Variants in NREP observed in about 807,000 individuals in gnomAD.
The protein encoded by NREP is neuronal regeneration related protein, also known as neuronal regeneration-related protein.
NREP carries 5 observed loss-of-function variants against 8.6 expected under a neutral mutation model. The observed-to-expected ratio is 0.58, with a 90% CI of 0.30 to 1.22. The LOEUF is 1.22. Among genes scored for constraint, NREP ranks in the 50% most tolerant of loss-of-function variants. The pLI, the probability that NREP is intolerant of heterozygous loss-of-function variation, is 0.07. For synonymous variants in NREP, 27 were observed against 28.0 expected (o/e 0.96, Z 0.11); for missense variants, 86 against 82.5 (o/e 1.04, Z -0.17).
chr5:111,792,162 A>G (rs1751764216), intron 2 of NREP, among the ~76,000 whole-genome samples: 1 of 152,248 alleles, frequency 6.6e-6, no homozygotes, highest in African/African-American at 2.4e-5. Context: ...AAATTCACAT[A>G]TAATTGATAG....
intron 2 of NREP, among the ~76,000 whole-genome samples, chr5:111,764,351 G>C (rs1751032430): frequency 6.6e-6 from 1 of 152,158 alleles, no homozygotes; most frequent in African/African-American, 2.4e-5. Flanking sequence ...ACCTGAGACT[G>C]GGCAATTTAC....
chr5:111,731,404 C>G (rs11956914), intron 3 of NREP, among the ~76,000 whole-genome samples: 4,386 of 139,896 alleles, frequency 0.031, 226 homozygotes, highest in African/African-American at 0.11. Context: ...TTGATAGATA[C>G]TCACAGGAGT....
chr5:111,844,433 A>G (rs1581160202), intron 2 of NREP, among the ~76,000 whole-genome samples: 1 of 151,494 alleles, frequency 6.6e-6, no homozygotes, highest in East Asian at 1.9e-4. Flanking sequence ...ATGAATATTT[A>G]TATTTATGCA....
At chr5:111,735,542 A>C (rs766209864) in intron 2 of NREP, 35 bp from the exon 3 acceptor site, 1 of 1,485,026 alleles carries the variant, frequency 6.7e-7, no homozygotes. Context: ...ATTCAGATTA[A>C]AAACAGGATC....
chr5:111,811,414 T>C (rs1052572153), intron 2 of NREP, among the ~76,000 whole-genome samples: 29 of 152,348 alleles, frequency 1.9e-4, no homozygotes, highest in Admixed American at 7.2e-4. Context: ...GAAACCAATA[T>C]TGAGTTGCTC....
At chr5:111,976,749 G>A in exon 1 of NREP, 1 of 1,550,500 alleles carries the variant, frequency 6.4e-7, no homozygotes, top group Non-Finnish European at 8.7e-7. Flanking sequence ...TTCCAGTCCT[G>A]TTACTGCTTG....
chr5:111,790,483 G>A (rs187782614), intron 2 of NREP, among the ~76,000 whole-genome samples: 1 of 147,214 alleles, frequency 6.8e-6, no homozygotes, highest in East Asian at 2.1e-4. Context: ...TTACCTACTG[G>A]GCACAGTGGC....
chr5:111,829,379 A>T (rs1436685745), intron 2 of NREP, among the ~76,000 whole-genome samples: 3 of 152,116 alleles, frequency 2.0e-5, no homozygotes, highest in Non-Finnish European at 4.4e-5. Context: ...ACCAGTTAAG[A>T]CTCTAATTCA....
chr5:111,930,441 G>T (rs1462864813), intron 2 of NREP, among the ~76,000 whole-genome samples: 1 of 152,118 alleles, frequency 6.6e-6, no homozygotes, highest in Non-Finnish European at 1.5e-5. Context: ...TGTTAAAAAT[G>T]TATTTTATGA....
chr5:111,742,205 C>A (rs1043995401), intron 2 of NREP, among the ~76,000 whole-genome samples: 2 of 152,138 alleles, frequency 1.3e-5, no homozygotes, highest in Non-Finnish European at 2.9e-5. Context: ...TCCAACATTA[C>A]ATGTCAGGAA....
intron 2 of NREP, among the ~76,000 whole-genome samples, chr5:111,864,992 G>A (rs1581173407): frequency 6.6e-6 from 1 of 151,934 alleles, no homozygotes; most frequent in Non-Finnish European, 1.5e-5. Flanking sequence ...AACTTTTTTT[G>A]TGTGAAATTC....
intron 2 of NREP, among the ~76,000 whole-genome samples, chr5:111,932,702 T>C (rs759414190): frequency 1.3e-5 from 2 of 152,204 alleles, no homozygotes; most frequent in South Asian, 2.1e-4. Context: ...ATTTCTTAAA[T>C]ATTGATATCT....
At chr5:111,888,345 G>GC (rs1754312919) in intron 2 of NREP, among the ~76,000 whole-genome samples, 1 of 151,728 alleles carries the variant, frequency 6.6e-6, no homozygotes, top group African/African-American at 2.4e-5. Flanking sequence ...TGGGTGGCGG[G>GC]GGGGGTCTCA....
chr5:111,817,744 A>G (rs1396283464), intron 2 of NREP, among the ~76,000 whole-genome samples: 1 of 148,992 alleles, frequency 6.7e-6, no homozygotes, highest in Non-Finnish European at 1.5e-5. Context: ...GGCGGAGCTT[A>G]CAGTGAGCTG....
intron 2 of NREP, among the ~76,000 whole-genome samples, chr5:111,957,450 T>C (rs1348309136): frequency 6.6e-6 from 1 of 151,954 alleles, no homozygotes; most frequent in African/African-American, 2.4e-5. Flanking sequence ...CATATAGTTT[T>C]ATAAAACTTA....
chr5:111,751,615 C>A (rs1458776920), intron 2 of NREP, among the ~76,000 whole-genome samples: 1 of 152,092 alleles, frequency 6.6e-6, no homozygotes, highest in Non-Finnish European at 1.5e-5. Flanking sequence ...ACCAAGATGA[C>A]ATAATCCAAG....
At chr5:111,890,856 G>A (rs1754377960) in intron 2 of NREP, among the ~76,000 whole-genome samples, 1 of 152,204 alleles carries the variant, frequency 6.6e-6, no homozygotes, top group African/African-American at 2.4e-5. Flanking sequence ...GTGATGAGAG[G>A]GGCTGCCACA....
chr5:111,882,668 C>T (rs1754117199), intron 2 of NREP, among the ~76,000 whole-genome samples: 1 of 152,148 alleles, frequency 6.6e-6, no homozygotes, highest in African/African-American at 2.4e-5. Flanking sequence ...AGAGTGGGGG[C>T]CAATATTCAA....
At chr5:111,853,547 T>C (rs1753358089) in intron 2 of NREP, among the ~76,000 whole-genome samples, 1 of 152,160 alleles carries the variant, frequency 6.6e-6, no homozygotes, top group Non-Finnish European at 1.5e-5. Context: ...TCTAAAACTG[T>C]TCTGAAAAGT....
Sources: allele counts gnomAD v4.1 joint callset (sites outside exome capture counted in the v4.1 genomes callset), GRCh38; gene constraint gnomAD v4.1.1; transcripts MANE v1.5; gene names NCBI Gene and HGNC (gene_info 2026-07-23, HGNC 2026-07-21).